The following E2F6 variants were observed in gnomAD, a reference collection of about 807,000 sequenced individuals.
E2F6 encodes the protein transcription factor E2F6.
In E2F6, 19 loss-of-function variants were observed where a neutral mutation model predicts 31.5. The observed-to-expected ratio is 0.60, with a 90% CI of 0.42 to 0.89. The LOEUF (loss-of-function observed/expected upper bound fraction) is 0.89, where lower values mean the gene tolerates loss of function less well. Among genes scored for constraint, E2F6 ranks in the 40% least tolerant of loss-of-function variants. The pLI, the probability that E2F6 is intolerant of heterozygous loss-of-function variation, is 0.00. For missense variants in E2F6, 269 were observed against 341.6 expected (o/e 0.79, Z 1.67); for synonymous variants, 121 against 127.7 (o/e 0.95, Z 0.36).
intron 6 of E2F6, 39 bp from the exon 7 acceptor site, chr2:11,446,562 T>C (rs539823662): frequency 1.3e-6 from 2 of 1,568,490 alleles, no homozygotes; most frequent in East Asian, 2.2e-5. Context: ...CCTAAGTGAA[T>C]ACACCTAAGT....
intron 1 of E2F6, among the ~76,000 whole-genome samples, chr2:11,462,172 G>T (rs539308705): frequency 1.3e-4 from 20 of 152,128 alleles, no homozygotes; most frequent in African/African-American, 4.1e-4. Context: ...GTTAGTATTG[G>T]TCTGTCTCTC....
chr2:11,457,198 T>C lies in E2F6; in HGVS notation c.144A>G (p.Val48=), dbSNP rs773548522. ...ACTTACTTCTCATGGACACATATTG[T>C]ACATTATCTTCTAAATTAATCCTTA... is the stretch of plus-strand genomic sequence containing the variant. ...SKIRINLEDN[V]QYVSMRKALK... is the part of the protein sequence containing the mutation. The change falls in exon 2 of 7, where the codon GTA becomes GTG. Residue 48 remains valine, a synonymous_variant. Coordinates refer to ENST00000381525, the MANE Select transcript of E2F6 (RefSeq NM_198256.4). 6.4e-6 allele frequency: 10 copies of C among 1,569,286 alleles called. No homozygotes were observed. The highest frequency in any genetic ancestry group is 8.8e-6 in the Non-Finnish European group (10 of 1,141,934).
At chr2:11,463,396 TTACTA>T (rs1428071835) in intron 1 of E2F6, among the ~76,000 whole-genome samples, 4 of 152,256 alleles carry the variant, frequency 2.6e-5, no homozygotes, top group Admixed American at 1.3e-4. Context: ...TTTAGCTACT[TTACTA>T]TAAGAAAACA....
At position 11,453,810 on chromosome 2, in the gene E2F6, A is replaced by G. The variant is rs566240996; in HGVS notation, c.164-12T>C. The G allele has an allele frequency of 1.2e-6, 2 of 1,601,702 alleles. No homozygotes were observed. The highest frequency in any genetic ancestry group is 4.5e-5 in the East Asian group (2 of 44,510). ...CACTTTTAGAGCTTCTGGGAAACAA[A>G]ATAAACATATTTGTAAAATTTTAAA... is the stretch of plus-strand genomic sequence containing the variant. On this transcript the variant is annotated splice_polypyrimidine_tract_variant and intron_variant, in intron 2 of 6. Transcript: ENST00000381525.
intron 1 of E2F6, among the ~76,000 whole-genome samples, chr2:11,457,829 C>T (rs1671504428): frequency 6.6e-6 from 1 of 152,210 alleles, no homozygotes; most frequent in South Asian, 2.1e-4. Context: ...GGCAGCTATG[C>T]ATTCCCATTA....
intron 3 of E2F6, 138 bp from the exon 4 acceptor site, chr2:11,451,944 T>C (rs1671097431): frequency 1.4e-5 from 11 of 775,752 alleles, no homozygotes; most frequent in South Asian, 1.3e-4. Flanking sequence ...TTTTAACTTC[T>C]GCCGTCTTTG....
At chr2:11,448,297 C>T (rs780951837) in intron 5 of E2F6, among the ~76,000 whole-genome samples, 1 of 152,182 alleles carries the variant, frequency 6.6e-6, no homozygotes, top group Non-Finnish European at 1.5e-5. Flanking sequence ...CAGGATTAAT[C>T]AAAATACTTT....
intron 4 of E2F6, among the ~76,000 whole-genome samples, chr2:11,450,363 T>G (rs1039185428): frequency 1.3e-5 from 2 of 151,892 alleles, no homozygotes; most frequent in African/African-American, 4.8e-5. Context: ...ACCTAAAGAG[T>G]TTCTTTAAGC....
intron 3 of E2F6, among the ~76,000 whole-genome samples, chr2:11,452,348 A>G (rs1237094195): frequency 6.6e-6 from 1 of 152,248 alleles, no homozygotes; most frequent in Non-Finnish European, 1.5e-5. Context: ...TCACGCCTGT[A>G]ATCCCAGCAC....
chr2:11,459,583 T>C (rs374717121), intron 1 of E2F6, among the ~76,000 whole-genome samples: 1 of 151,760 alleles, frequency 6.6e-6, no homozygotes, highest in Non-Finnish European at 1.5e-5. Context: ...TACAGACATA[T>C]AGATAGAAAC....
chr2:11,447,682 A>C lies in E2F6; in HGVS notation c.744T>G (p.Ser248=), dbSNP rs1363896176. ...VEQGQTSNKR[S]EGVGTSSSES... is the part of the protein sequence containing the mutation. ...CAGATGAAGAGGTCCCGACACCTTC[A>C]GACCTTTTGTTACTGGTCTGACCCT... The change falls in exon 6 of 7, where the codon TCT becomes TCG. Residue 248 remains serine (S), a synonymous_variant. Coordinates refer to ENST00000381525, the MANE Select transcript of E2F6 (RefSeq NM_198256.4). 1 of 1,611,992 alleles carries C rather than the reference A, an allele frequency of 6.2e-7. No individual in the cohort carries two copies. Among genetic ancestry groups the C allele is most frequent in the Non-Finnish European group, 8.5e-7 (1 of 1,179,940 alleles).
intron 1 of E2F6, among the ~76,000 whole-genome samples, chr2:11,459,224 C>T (rs1671607591): frequency 6.6e-6 from 1 of 152,084 alleles, no homozygotes; most frequent in African/African-American, 2.4e-5. Context: ...GAGTAGCAGG[C>T]CCAGGACTTA....
rs544753117 is a variant in E2F6, at chr2:11,458,239, A to T, written c.109-1006T>A. 57 of 1,549,006 alleles carry T rather than the reference A, an allele frequency of 3.7e-5. No homozygotes were observed. The South Asian group carries it at 6.2e-4, about 17-fold the overall frequency. On this transcript the variant is annotated intron_variant, in intron 1 of 6. Transcript: ENST00000381525. ...AATTCATAGGTACTCTAAGAAGAGA[A>T]TCAACAGCAGTACTAGGGATACACC...
intron 1 of E2F6, among the ~76,000 whole-genome samples, chr2:11,462,620 C>G (rs1671857191): frequency 6.6e-6 from 1 of 152,112 alleles, no homozygotes; most frequent in South Asian, 2.1e-4. Context: ...TACTTTTGTG[C>G]TTTGGGGCCA....
In E2F6 at chr2:11,444,385, CGA is replaced by C. The variant is rs1214550509; in HGVS notation, c.*2090_*2091del. 3 of 152,098 alleles carry C rather than the reference CGA, an allele frequency of 2.0e-5. No homozygotes were observed. Among genetic ancestry groups the C allele is most frequent in the African/African-American group, 7.2e-5 (3 of 41,400 alleles). The allele number at this position is 152,098 out of a possible 1,614,324, so 9.4% of individuals were successfully genotyped here. The stretch of plus-strand genomic sequence containing the variant: ...CCCAACGCCAGAAGATGGAGTGACT[CGA>C]GAGATACTTCATTTATAACACACAT... On this transcript the variant is annotated 3_prime_UTR_variant, in exon 7 of 7. Transcript: ENST00000381525.
rs1464833431 is a variant in E2F6 at position 11,465,854 on chromosome 2, T to C, written c.26A>G (p.Lys9Arg). ...CGGGTCCAGGAGGAGACTGGGTAAC[T>C]TCCTCGCCGGCCGCTGCTGACTCAT... is the stretch of plus-strand genomic sequence containing the variant. Reference protein sequence around the residue: MSQQRPARKLPSLLLDPTE... With the variant: MSQQRPARRLPSLLLDPTE... Residue 9 changes from lysine (K) to arginine (R), a missense_variant, in exon 1 of 7, where the codon AAG becomes AGG. By Grantham distance (26) the Lys-to-Arg change is conservative (BLOSUM62 2). Coordinates refer to ENST00000381525, the MANE Select transcript of E2F6 (RefSeq NM_198256.4). 1 of 1,574,576 alleles carries C rather than the reference T, an allele frequency of 6.4e-7. No individual in the cohort carries two copies. The highest frequency in any genetic ancestry group is 1.4e-5 in the African/African-American group (1 of 74,010).
chr2:11,453,924 T>TCAAC, intron 2 of E2F6, 126 bp from the exon 3 acceptor site: 1 of 791,772 alleles, frequency 1.3e-6, no homozygotes, highest in Non-Finnish European at 2.0e-6. Context: ...ATTGACCAAA[T>TCAAC]CAAAGCTGGT....
intron 1 of E2F6, among the ~76,000 whole-genome samples, chr2:11,465,483 G>T (rs140354142): frequency 4.9e-4 from 75 of 152,334 alleles, no homozygotes; most frequent in African/African-American, 1.8e-3. Context: ...GATACAGCTA[G>T]AGTCCATAGA....
intron 4 of E2F6, among the ~76,000 whole-genome samples, chr2:11,450,595 G>A (rs373365884): frequency 4.6e-5 from 7 of 152,058 alleles, no homozygotes; most frequent in South Asian, 2.1e-4. Flanking sequence ...AGGCATAAAC[G>A]ACTTAGAGAT....
Sources: allele counts gnomAD v4.1 joint callset (sites outside exome capture counted in the v4.1 genomes callset), GRCh38; gene constraint gnomAD v4.1.1; transcripts MANE v1.5; gene names NCBI Gene and HGNC (gene_info 2026-07-23, HGNC 2026-07-21).